The following GPR39 variants were observed in gnomAD, a reference collection of about 807,000 sequenced individuals.
GPR39 encodes zinc sensing receptor.
GPR39 carries 23 observed loss-of-function variants against 18.4 expected under a neutral mutation model. The observed-to-expected ratio is 1.25, with a 90% CI of 0.90 to 1.77. The LOEUF (loss-of-function observed/expected upper bound fraction) is 1.77, where lower values mean the gene tolerates loss of function less well. Among genes scored for constraint, GPR39 ranks in the 40% most tolerant of loss-of-function variants. The pLI is 0.00. For missense variants in GPR39, 647 were observed against 602.4 expected (o/e 1.07, Z -0.78); for synonymous variants, 280 against 257.9 (o/e 1.09, Z -0.82).
Position 132,646,128 on chromosome 2 carries a change from C to T in GPR39, c.*522C>T. 1 of 1,610,268 alleles carries T rather than the reference C, an allele frequency of 6.2e-7. No homozygotes were observed. Among genetic ancestry groups the T allele is most frequent in the Non-Finnish European group, 8.5e-7 (1 of 1,178,006 alleles). On this transcript the variant is annotated 3_prime_UTR_variant, in exon 2 of 2. Coordinates refer to ENST00000329321, the MANE Select transcript of GPR39 (RefSeq NM_001508.3). ...GGCCTGAGGGCCGAGGCAGAACTTC[C>T]CCTTTTCTTGGGCCTTGGCCCGTTA...
At chr2:132,469,562 A>C (rs897861624) in intron 1 of GPR39, among the ~76,000 whole-genome samples, 2 of 152,174 alleles carry the variant, frequency 1.3e-5, no homozygotes, top group East Asian at 3.9e-4. Context: ...TTAATGAGAC[A>C]GTGAGCGTGT....
At chr2:132,498,658 C>G (rs1681694471) in intron 1 of GPR39, among the ~76,000 whole-genome samples, 1 of 152,128 alleles carries the variant, frequency 6.6e-6, no homozygotes, top group Non-Finnish European at 1.5e-5. Context: ...ACACTGTTTT[C>G]CATAGTGGTT....
chr2:132,527,989 C>A (rs527440790), intron 1 of GPR39, among the ~76,000 whole-genome samples: 19 of 152,262 alleles, frequency 1.2e-4, no homozygotes, highest in Non-Finnish European at 2.2e-4. Flanking sequence ...GTGTTTTAGT[C>A]ATGAAGTCTT....
chr2:132,607,782 T>C (rs144400208), intron 1 of GPR39, among the ~76,000 whole-genome samples: 3 of 152,352 alleles, frequency 2.0e-5, no homozygotes, highest in African/African-American at 7.2e-5. Flanking sequence ...TCTTTCAATA[T>C]GGCACGTATT....
chr2:132,464,400 G>T (rs918942462), intron 1 of GPR39, among the ~76,000 whole-genome samples: 5 of 152,158 alleles, frequency 3.3e-5, no homozygotes, highest in African/African-American at 1.2e-4. Context: ...GAGGATCCCA[G>T]TATTCCCTAA....
chr2:132,566,615 A>G (rs1680353460), intron 1 of GPR39, among the ~76,000 whole-genome samples: 1 of 152,170 alleles, frequency 6.6e-6, no homozygotes, highest in South Asian at 2.1e-4. Flanking sequence ...TTTTTGCAAC[A>G]TTGTTCGGGT....
At chr2:132,553,918 T>G (rs1680099769) in intron 1 of GPR39, among the ~76,000 whole-genome samples, 1 of 151,996 alleles carries the variant, frequency 6.6e-6, no homozygotes. Flanking sequence ...TGCAATACAT[T>G]GGCCACAGAG....
intron 1 of GPR39, among the ~76,000 whole-genome samples, chr2:132,642,287 T>G (rs1198540061): frequency 6.6e-6 from 1 of 152,224 alleles, no homozygotes; most frequent in Non-Finnish European, 1.5e-5. Flanking sequence ...AAACCAAACT[T>G]CCCCTTCTTT....
intron 1 of GPR39, among the ~76,000 whole-genome samples, chr2:132,527,052 T>G (rs1679527220): frequency 6.6e-6 from 1 of 152,198 alleles, no homozygotes; most frequent in African/African-American, 2.4e-5. Flanking sequence ...TCATCTAGGT[T>G]TTAAGCCCCG....
At chr2:132,525,130 T>A (rs936023701) in intron 1 of GPR39, among the ~76,000 whole-genome samples, 3 of 152,198 alleles carry the variant, frequency 2.0e-5, no homozygotes, top group African/African-American at 7.2e-5. Context: ...ACACCTCCCA[T>A]GAAGCCCGTG....
At chr2:132,468,597 G>GGCCCTATACT (rs2104781446) in intron 1 of GPR39, among the ~76,000 whole-genome samples, 1 of 152,318 alleles carries the variant, frequency 6.6e-6, no homozygotes, top group South Asian at 2.1e-4. Context: ...AGACTGAGAG[G>GGCCCTATACT]TTGGGCCCTA....
At chr2:132,584,232 G>A (rs980200642) in intron 1 of GPR39, among the ~76,000 whole-genome samples, 1 of 152,128 alleles carries the variant, frequency 6.6e-6, no homozygotes, top group African/African-American at 2.4e-5. Flanking sequence ...AGGCTCTGGG[G>A]GCAGAGTGCT....
intron 1 of GPR39, among the ~76,000 whole-genome samples, chr2:132,614,185 TTTG>T (rs368749103): frequency 5.3e-5 from 8 of 150,548 alleles, no homozygotes; most frequent in Non-Finnish European, 1.0e-4. Context: ...TGCTTTTTTT[TTTG>T]TTTTTGTTTT....
chr2:132,460,415 G>T (rs1212502598), intron 1 of GPR39, among the ~76,000 whole-genome samples: 1 of 152,142 alleles, frequency 6.6e-6, no homozygotes, highest in Non-Finnish European at 1.5e-5. Flanking sequence ...GAGGGGAGAA[G>T]ATGCTGTTGT....
chr2:132,630,553 A>G (rs953936387), intron 1 of GPR39, among the ~76,000 whole-genome samples: 1 of 152,210 alleles, frequency 6.6e-6, no homozygotes. Context: ...ATAACAAGCC[A>G]TCGAAAGGTT....
chr2:132,594,258 C>T lies in GPR39; in HGVS notation c.857-50843C>T, dbSNP rs77771065. ...ATTTGAGTCTTCTGGGGCTGTTAGACACCATTCATTAAAAGGAAACATTGG... is the reference window on the plus strand; with the variant it reads ...ATTTGAGTCTTCTGGGGCTGTTAGATACCATTCATTAAAAGGAAACATTGG... On this transcript the variant is annotated intron_variant, in intron 1 of 1. Coordinates refer to ENST00000329321, the MANE Select transcript of GPR39 (RefSeq NM_001508.3). Among the ~76,000 whole-genome samples the T allele has an allele frequency of 1.6e-4, 24 of 152,202 alleles. No individual in the cohort carries two copies. The East Asian group carries it at 4.1e-3, about 26-fold the overall frequency.
intron 1 of GPR39, among the ~76,000 whole-genome samples, chr2:132,642,727 A>G (rs1681877785): frequency 6.6e-6 from 1 of 152,148 alleles, no homozygotes; most frequent in South Asian, 2.1e-4. Context: ...GGTGTTTCTA[A>G]TTGCCTTTCT....
intron 1 of GPR39, among the ~76,000 whole-genome samples, chr2:132,436,437 A>T (rs1408969139): frequency 6.6e-6 from 1 of 152,178 alleles, no homozygotes; most frequent in Non-Finnish European, 1.5e-5. Flanking sequence ...GCACCATGGT[A>T]ACCAATTGTC....
chr2:132,546,315 G>T (rs553827095), intron 1 of GPR39, among the ~76,000 whole-genome samples: 1 of 152,126 alleles, frequency 6.6e-6, no homozygotes, highest in Non-Finnish European at 1.5e-5. Context: ...AAGAACCACT[G>T]GTTTATAACA....
Sources: gnomAD v4.1 joint callset for allele counts (sites outside exome capture counted in the v4.1 genomes callset) on GRCh38, gnomAD v4.1.1 for gene constraint, MANE v1.5 for transcripts, NCBI Gene and HGNC (gene_info 2026-07-23, HGNC 2026-07-21) for gene names.